Variants in LRRTM3 observed in about 807,000 individuals in gnomAD.
LRRTM3 encodes the protein leucine rich repeat transmembrane neuronal 3.
A neutral mutation model predicts 44.7 loss-of-function variants in LRRTM3; 24 were observed. The ratio of observed to expected loss-of-function variants is 0.54; its 90% CI spans 0.39 to 0.76. The LOEUF (loss-of-function observed/expected upper bound fraction) is 0.76, where lower values mean the gene tolerates loss of function less well. Among genes scored for constraint, LRRTM3 ranks in the 30% least tolerant of loss-of-function variants. The pLI, the probability that LRRTM3 is intolerant of heterozygous loss-of-function variation, is 0.00. For missense variants in LRRTM3, 587 were observed against 702.2 expected (o/e 0.84, Z 1.85); for synonymous variants, 277 against 278.7 (o/e 0.99, Z 0.06).
intron 2 of LRRTM3, among the ~76,000 whole-genome samples, chr10:66,959,541 T>A (rs2132764246): frequency 1.3e-5 from 2 of 152,266 alleles, no homozygotes; most frequent in East Asian, 3.9e-4. Context: ...GTTATTTCCA[T>A]GAGCTTGGGA....
intron 2 of LRRTM3, among the ~76,000 whole-genome samples, chr10:67,008,833 C>T (rs1852160191): frequency 6.6e-6 from 1 of 152,022 alleles, no homozygotes; most frequent in African/African-American, 2.4e-5. Flanking sequence ...TCTTTGTTTA[C>T]CTTATTGTTT....
At chr10:66,979,110 A>T (rs1850260148) in intron 2 of LRRTM3, among the ~76,000 whole-genome samples, 1 of 151,474 alleles carries the variant, frequency 6.6e-6, no homozygotes, top group Non-Finnish European at 1.5e-5. Flanking sequence ...GATTACAGGC[A>T]CCCACCACCA....
At chr10:67,036,338 C>T (rs779546558) in intron 2 of LRRTM3, among the ~76,000 whole-genome samples, 1 of 151,198 alleles carries the variant, frequency 6.6e-6, no homozygotes, top group Non-Finnish European at 1.5e-5. Flanking sequence ...GGCGCGATCT[C>T]GGCTCACTGC....
rs1436688457 is a variant in LRRTM3 at position 67,042,008 on chromosome 10, G to A, written c.1537-55579G>A. On this transcript the variant is annotated intron_variant, in intron 2 of 2. Transcript: ENST00000361320. ...TTGATAAAATTGAAGTAACCTTAAA[G>A]TACGTGTGAAGGGATAGGAGACGTG... 3.9e-5 allele frequency among the ~76,000 whole-genome samples: 6 copies of A among 152,126 alleles called. No homozygotes were observed. In the South Asian group the frequency reaches 1.0e-3, roughly 26 times the overall value.
chr10:67,037,906 C>A (rs968285455), intron 2 of LRRTM3, among the ~76,000 whole-genome samples: 9 of 151,946 alleles, frequency 5.9e-5, no homozygotes, highest in Admixed American at 1.3e-4. Flanking sequence ...AAAAGAAGGT[C>A]CAGGACAGAA....
At chr10:66,973,317 T>C (rs556240908) in intron 2 of LRRTM3, among the ~76,000 whole-genome samples, 1 of 152,298 alleles carries the variant, frequency 6.6e-6, no homozygotes, top group Admixed American at 6.5e-5. Flanking sequence ...ATAATATTCA[T>C]TGTACTAGGA....
chr10:66,950,536 G>C (rs1303577983), intron 2 of LRRTM3, among the ~76,000 whole-genome samples: 2 of 151,920 alleles, frequency 1.3e-5, no homozygotes, highest in Non-Finnish European at 2.9e-5. Flanking sequence ...GTCAAAATAT[G>C]TATGATATTT....
At chr10:66,964,916 A>G (rs1849317211) in intron 2 of LRRTM3, among the ~76,000 whole-genome samples, 1 of 152,226 alleles carries the variant, frequency 6.6e-6, no homozygotes, top group African/African-American at 2.4e-5. Context: ...GTGTTTAGAA[A>G]CATTTTACAC....
chr10:66,959,072 C>T (rs916086772), intron 2 of LRRTM3, among the ~76,000 whole-genome samples: 2 of 152,046 alleles, frequency 1.3e-5, no homozygotes, highest in Admixed American at 1.3e-4. Context: ...CGCTGGTATC[C>T]ACAGGGTAGA....
intron 2 of LRRTM3, among the ~76,000 whole-genome samples, chr10:66,966,446 G>T (rs909919929): frequency 4.0e-5 from 6 of 150,640 alleles, no homozygotes; most frequent in Non-Finnish European, 5.9e-5. Flanking sequence ...TCATTTTAAA[G>T]AATTAATATG....
At chr10:67,068,832 G>C (rs934607614) in intron 2 of LRRTM3, among the ~76,000 whole-genome samples, 5 of 152,190 alleles carry the variant, frequency 3.3e-5, no homozygotes, top group African/African-American at 1.2e-4. Context: ...GGCTGAGGCA[G>C]GAAGATCACC....
chr10:66,997,429 T>G (rs1851416191), intron 2 of LRRTM3, among the ~76,000 whole-genome samples: 1 of 152,232 alleles, frequency 6.6e-6, no homozygotes, highest in Non-Finnish European at 1.5e-5. Flanking sequence ...ACTTTAAGCA[T>G]GATTTAATCT....
chr10:67,006,693 A>G (rs1852012013), intron 2 of LRRTM3, among the ~76,000 whole-genome samples: 2 of 152,232 alleles, frequency 1.3e-5, no homozygotes, highest in South Asian at 4.1e-4. Flanking sequence ...ACACTATAAG[A>G]TGTAAACATT....
At chr10:66,996,603 G>A (rs940197577) in intron 2 of LRRTM3, among the ~76,000 whole-genome samples, 23 of 123,696 alleles carry the variant, frequency 1.9e-4, no homozygotes, top group African/African-American at 6.6e-4. Context: ...GGTCAAGATC[G>A]CACCACTGCA....
intron 2 of LRRTM3, among the ~76,000 whole-genome samples, chr10:67,005,680 A>ATATTTTTTTTTTTTTTT (rs1564825972): frequency 3.8e-5 from 1 of 26,372 alleles, no homozygotes; most frequent in Non-Finnish European, 1.1e-4. Context: ...ATTTTACTCC[A>ATATTTTTTTTTTTTTTT]TCTTTTTTTT....
intron 2 of LRRTM3, among the ~76,000 whole-genome samples, chr10:66,937,422 G>A (rs989932740): frequency 6.6e-6 from 1 of 152,078 alleles, no homozygotes; most frequent in African/African-American, 2.4e-5. Context: ...TAATACAAAG[G>A]TTGGCACATA....
chr10:67,026,640 G>C (rs1853406223), intron 2 of LRRTM3, among the ~76,000 whole-genome samples: 1 of 152,108 alleles, frequency 6.6e-6, no homozygotes, highest in African/African-American at 2.4e-5. Flanking sequence ...AGGAAAAGGA[G>C]CTTAAACCCT....
At position 66,928,098 on chromosome 10, in the gene LRRTM3, T is replaced by C; in HGVS notation, c.1182T>C (p.Pro394=). ...LPRPKHESKP[P]LPPTVGATEP... ...GGCCGAAGCATGAGAGCAAACCCCCTTTGCCCCCGACGGTGGGAGCCACAG... is the reference window on the plus strand; with the variant it reads ...GGCCGAAGCATGAGAGCAAACCCCCCTTGCCCCCGACGGTGGGAGCCACAG... The change falls in exon 2 of 3, where the codon CCT becomes CCC. Residue 394 remains proline (P), a synonymous_variant. Transcript: ENST00000361320. The C allele has an allele frequency of 6.2e-7, 1 of 1,614,050 alleles. No homozygotes were observed. The highest frequency in any genetic ancestry group is 1.3e-5 in the African/African-American group (1 of 75,044).
At chr10:66,926,698 A>G (rs1326501661) in intron 1 of LRRTM3, 111 bp downstream of exon 1, 6 of 1,281,680 alleles carry the variant, frequency 4.7e-6, no homozygotes, top group Non-Finnish European at 6.6e-6. Flanking sequence ...GCTCTGCTCT[A>G]AGACTATGAA....
Sources: allele counts gnomAD v4.1 joint callset (sites outside exome capture counted in the v4.1 genomes callset), GRCh38; gene constraint gnomAD v4.1.1; transcripts MANE v1.5; gene names NCBI Gene and HGNC (gene_info 2026-07-23, HGNC 2026-07-21).